Variants in CNTN5 observed in about 807,000 individuals in gnomAD.
CNTN5 encodes the protein contactin-5.
CNTN5 carries 77 observed loss-of-function variants against 129.1 expected under a neutral mutation model. That is an observed-to-expected ratio of 0.60 (90% CI 0.50 to 0.72). The LOEUF is 0.72. CNTN5 is among the 30% of genes least tolerant of loss of function. CNTN5 has a pLI of 0.00. For synonymous variants in CNTN5, 509 were observed against 465.6 expected, an observed-to-expected ratio of 1.09 and a Z score of -1.20; for missense variants, 1,478 against 1,328.8, an observed-to-expected ratio of 1.11 and a Z score of -1.75.
chr11:100,312,982 G>T (rs969545262), intron 21 of CNTN5, among the ~76,000 whole-genome samples: 1 of 151,974 alleles, frequency 6.6e-6, no homozygotes, highest in Non-Finnish European at 1.5e-5. Context: ...GAGGGTCAAA[G>T]GTATAGCAAA....
intron 3 of CNTN5, among the ~76,000 whole-genome samples, chr11:99,643,573 A>G (rs1951846075): frequency 6.6e-6 from 1 of 152,270 alleles, no homozygotes; most frequent in Admixed American, 6.5e-5. Context: ...ATAAATTGCA[A>G]TGCATAAAAC....
intron 2 of CNTN5, among the ~76,000 whole-genome samples, chr11:99,423,922 G>A (rs992133431): frequency 3.3e-5 from 5 of 152,140 alleles, no homozygotes; most frequent in African/African-American, 7.2e-5. Flanking sequence ...TTTAAAGGAC[G>A]TTTAGGTTTG....
Position 99,473,519 on chromosome 11 carries a change from A to T in CNTN5, c.-70-82626A>T, listed in dbSNP as rs561465039. 2.6e-5 allele frequency among the ~76,000 whole-genome samples: 4 copies of T among 152,102 alleles called. No homozygotes were observed. The East Asian group carries it at 7.7e-4, about 29-fold the overall frequency. On this transcript the variant is annotated intron_variant, in intron 2 of 24. Coordinates refer to ENST00000524871, the MANE Select transcript of CNTN5 (RefSeq NM_014361.4). ...ATAGTGTATGTTTAAATTCTCTTCT[A>T]TGGGAGTTAGATGTTGAAATCTTTA...
chr11:100,334,248 A>C (rs1358561573), intron 21 of CNTN5, among the ~76,000 whole-genome samples: 1 of 152,156 alleles, frequency 6.6e-6, no homozygotes, highest in Non-Finnish European at 1.5e-5. Flanking sequence ...TCACTCCTGC[A>C]ACAATGACCA....
intron 1 of CNTN5, among the ~76,000 whole-genome samples, chr11:99,279,980 T>C (rs1442176707): frequency 6.6e-6 from 1 of 151,504 alleles, no homozygotes; most frequent in Non-Finnish European, 1.5e-5. Context: ...ATATATCTGT[T>C]CTTTACAATC....
chr11:99,447,365 C>A (rs1944112603), intron 2 of CNTN5, among the ~76,000 whole-genome samples: 1 of 152,170 alleles, frequency 6.6e-6, no homozygotes, highest in African/African-American at 2.4e-5. Flanking sequence ...GTTTGTCTCA[C>A]TGACCCTTTA....
chr11:99,488,119 C>T (rs1018270204), intron 2 of CNTN5, among the ~76,000 whole-genome samples: 8 of 148,412 alleles, frequency 5.4e-5, no homozygotes, highest in African/African-American at 2.0e-4. Context: ...ACTTTCCCAT[C>T]TGATGCTAGT....
chr11:99,735,012 CAA>C (rs2135122162), intron 3 of CNTN5, among the ~76,000 whole-genome samples: 1 of 93,078 alleles, frequency 1.1e-5, no homozygotes, highest in Admixed American at 9.3e-5. Context: ...CGTCTCAAAA[CAA>C]AAACAAAAAC....
intron 13 of CNTN5, among the ~76,000 whole-genome samples, chr11:100,076,982 T>C (rs558675001): frequency 3.3e-5 from 5 of 152,236 alleles, no homozygotes; most frequent in African/African-American, 9.6e-5. Flanking sequence ...CAGAATTCCA[T>C]AATATAAGAA....
At position 100,031,322 on chromosome 11, in the gene CNTN5, C is replaced by T. The variant is rs191764539; in HGVS notation, c.980+29186C>T. ...TTGGACTGCCAGAATGAGCCAACAG[C>T]GCATGATGTGCTTCCCCCTGCAGAG... is the stretch of plus-strand genomic sequence containing the variant. On this transcript the variant is annotated intron_variant, in intron 9 of 24. Transcript: ENST00000524871. 9.9e-5 allele frequency among the ~76,000 whole-genome samples: 15 copies of T among 152,248 alleles called. No homozygotes were observed. In the East Asian group the frequency reaches 2.5e-3, roughly 25 times the overall value.
intron 2 of CNTN5, among the ~76,000 whole-genome samples, chr11:99,517,263 C>G (rs577416425): frequency 6.6e-6 from 1 of 151,998 alleles, no homozygotes; most frequent in African/African-American, 2.4e-5. Context: ...GTATATTAAA[C>G]CCCTTTTTAT....
intron 6 of CNTN5, among the ~76,000 whole-genome samples, chr11:99,894,105 T>G (rs927362071): frequency 6.6e-6 from 1 of 152,122 alleles, no homozygotes; most frequent in Admixed American, 6.6e-5. Flanking sequence ...GTTGCTATAG[T>G]GACTGCTGTA....
chr11:99,663,728 C>T (rs554661730), intron 3 of CNTN5, among the ~76,000 whole-genome samples: 18 of 152,160 alleles, frequency 1.2e-4, no homozygotes, highest in Admixed American at 3.9e-4. Flanking sequence ...CAATTGCCAC[C>T]GTGTAAGACG....
intron 2 of CNTN5, among the ~76,000 whole-genome samples, chr11:99,392,533 A>G (rs1410877724): frequency 2.0e-5 from 3 of 151,910 alleles, no homozygotes; most frequent in Admixed American, 6.6e-5. Context: ...TTTCACTACC[A>G]TCTGCATTGC....
intron 1 of CNTN5, among the ~76,000 whole-genome samples, chr11:99,258,597 G>A (rs1862485602): frequency 6.6e-6 from 1 of 151,994 alleles, no homozygotes; most frequent in Non-Finnish European, 1.5e-5. Context: ...CAAGTATGCA[G>A]AGATAATAAT....
intron 2 of CNTN5, among the ~76,000 whole-genome samples, chr11:99,454,063 C>A (rs1365570640): frequency 6.6e-6 from 1 of 152,022 alleles, no homozygotes; most frequent in African/African-American, 2.4e-5. Flanking sequence ...TTCTAAATTG[C>A]TAAGATTAAT....
intron 2 of CNTN5, among the ~76,000 whole-genome samples, chr11:99,522,623 A>T (rs189735519): frequency 6.6e-6 from 1 of 152,288 alleles, no homozygotes; most frequent in East Asian, 1.9e-4. Flanking sequence ...TTGTAATTTT[A>T]ACCAATGACT....
chr11:99,065,984 T>C (rs1229558408), intron 1 of CNTN5, among the ~76,000 whole-genome samples: 5 of 143,032 alleles, frequency 3.5e-5, no homozygotes, highest in Middle Eastern at 7.0e-3. Flanking sequence ...ATCTGCTCAT[T>C]AGTGACTGTG....
chr11:99,628,255 T>A (rs1411084168), intron 3 of CNTN5, among the ~76,000 whole-genome samples: 1 of 152,000 alleles, frequency 6.6e-6, no homozygotes, highest in Non-Finnish European at 1.5e-5. Context: ...ATTTGACCCA[T>A]CTAGAAATTT....
Sources: allele counts gnomAD v4.1 joint callset (sites outside exome capture counted in the v4.1 genomes callset), GRCh38; gene constraint gnomAD v4.1.1; transcripts MANE v1.5; gene names NCBI Gene and HGNC (gene_info 2026-07-23, HGNC 2026-07-21).